The following CAPN8 variants were observed in gnomAD, a reference collection of about 807,000 sequenced individuals.
CAPN8 encodes the protein calpain-8.
A neutral mutation model predicts 80.9 loss-of-function variants in CAPN8; 87 were observed. The observed-to-expected ratio is 1.07, with a 90% CI of 0.90 to 1.28. The LOEUF (loss-of-function observed/expected upper bound fraction) is 1.28. Among genes scored for constraint, CAPN8 ranks in the 50% most tolerant of loss-of-function variants. The pLI is 0.00. For synonymous variants in CAPN8, 299 were observed against 273.8 expected (o/e 1.09, Z -0.91); for missense variants, 757 against 702.0 (o/e 1.08, Z -0.89).
In CAPN8 at chr1:223,616,158, C is replaced by A; in HGVS notation, c.1136-13G>T. The A allele has an allele frequency of 1.9e-6, 3 of 1,542,026 alleles. No individual in the cohort carries two copies. In the South Asian group the frequency reaches 3.6e-5, roughly 19 times the overall value. Reference sequence around the variant, plus strand: ...GTCCAGTACGTGGCTGGAAGTCACCCAGGTGATGGTGGTTCCCCACGTAGC... The same window carrying A: ...GTCCAGTACGTGGCTGGAAGTCACCAAGGTGATGGTGGTTCCCCACGTAGC... On this transcript the variant is annotated splice_polypyrimidine_tract_variant and intron_variant, in intron 9 of 20. Transcript: ENST00000366872.
intron 16 of CAPN8, among the ~76,000 whole-genome samples, chr1:223,548,984 G>A (rs1008570236): frequency 6.6e-6 from 1 of 152,060 alleles, no homozygotes; most frequent in Admixed American, 6.6e-5. Context: ...GGAGGAAGAT[G>A]AAGAGATGAA....
At position 223,665,292 on chromosome 1, in the gene CAPN8, G is replaced by A. The variant is rs545971621; in HGVS notation, c.237+118C>T. On this transcript the variant is annotated intron_variant, in intron 1 of 20. Coordinates refer to ENST00000366872, the MANE Select transcript of CAPN8 (RefSeq NM_001143962.2). ...AAAAAAGGTGGTGGTGGAGGGATCT[G>A]AAATATGAGATCCAGACACTTAGGG... is the stretch of plus-strand genomic sequence containing the variant. 3.5e-5 allele frequency: 27 copies of A among 774,118 alleles called. No individual in the cohort carries two copies. In the East Asian group the frequency reaches 7.0e-4, roughly 20 times the overall value. The allele number at this position is 774,118 out of a possible 1,614,324, so 48.0% of individuals were successfully genotyped here. A position where few individuals can be genotyped will look rare whatever the true frequency, so the allele number is the denominator to read the frequency against.
chr1:223,642,764 T>C (rs1189889462), intron 2 of CAPN8: 2 of 454,210 alleles, frequency 4.4e-6, no homozygotes, highest in Admixed American at 4.8e-5. Context: ...AAGAAACTTG[T>C]TCAGATTATT....
In CAPN8 at chr1:223,543,149, C is replaced by T. The variant is rs1298586361; in HGVS notation, c.2047G>A (p.Asp683Asn). 1 of 1,551,632 alleles carries T rather than the reference C, an allele frequency of 6.4e-7. No individual in the cohort carries two copies. The highest frequency in any genetic ancestry group is 8.7e-7 in the Non-Finnish European group (1 of 1,146,964). The change falls in exon 20 of 21, where the codon GAC (aspartate) becomes AAC (asparagine). Residue 683 changes from aspartate to asparagine, a missense_variant. By Grantham distance (23) the Asp-to-Asn change is conservative (BLOSUM62 1). Transcript: ENST00000366872. Reference protein sequence around the residue: ...ETLFKLFSLLDEDKDGMVQLS... With the variant: ...ETLFKLFSLLNEDKDGMVQLS... ...TGAACCATGCCATCCTTGTCTTCGT[C>T]CAGAAGGCTGAATAGTTCTAAAACA...
At chr1:223,647,886 C>T (rs1273089417) in intron 2 of CAPN8, among the ~76,000 whole-genome samples, 2 of 152,084 alleles carry the variant, frequency 1.3e-5, no homozygotes, top group African/African-American at 2.4e-5. Flanking sequence ...AGTGAGCAGA[C>T]GTGGGGTTTT....
chr1:223,550,630 G>GA (rs1189450717), intron 15 of CAPN8, among the ~76,000 whole-genome samples: 1 of 152,134 alleles, frequency 6.6e-6, no homozygotes, highest in Admixed American at 6.5e-5. Flanking sequence ...TTAATTTTGT[G>GA]AAAAAAATTC....
chr1:223,664,028 A>G (rs761106659), intron 1 of CAPN8, among the ~76,000 whole-genome samples: 4 of 152,240 alleles, frequency 2.6e-5, no homozygotes, highest in Admixed American at 6.5e-5. Context: ...TCTGTTGAAC[A>G]GAGCACTTTG....
At position 223,620,203 on chromosome 1, in the gene CAPN8, A is replaced by G; in HGVS notation, c.963T>C (p.Asp321=). 1.3e-6 allele frequency: 2 copies of G among 1,551,602 alleles called. No individual in the cohort carries two copies. The highest frequency in any genetic ancestry group is 1.7e-6 in the Non-Finnish European group (2 of 1,146,930). ...RKEELDKKVE[D]GEFWMSLSDF... is the part of the protein sequence containing the mutation. Reference sequence around the variant, plus strand: ...GAAAACTCTCTCACCAGAATTCTCCATCCTCAACTTTCTTGTCCAGTTCTT... The same window carrying G: ...GAAAACTCTCTCACCAGAATTCTCCGTCCTCAACTTTCTTGTCCAGTTCTT... The change falls in exon 8 of 21, where the codon GAT becomes GAC. Residue 321 remains aspartate (D), a synonymous_variant. Coordinates refer to ENST00000366872, the MANE Select transcript of CAPN8 (RefSeq NM_001143962.2).
intron 16 of CAPN8, among the ~76,000 whole-genome samples, chr1:223,545,821 CTTTTT>C (rs141485616): frequency 1.0e-5 from 1 of 98,596 alleles, no homozygotes; most frequent in African/African-American, 4.3e-5. Context: ...CACTCCACAA[CTTTTT>C]TTTTTTTTTT....
intron 2 of CAPN8, among the ~76,000 whole-genome samples, chr1:223,640,883 G>A (rs1160302207): frequency 1.3e-5 from 2 of 152,066 alleles, no homozygotes; most frequent in African/African-American, 4.8e-5. Context: ...ACAATGCAAG[G>A]TGGTTGCAAA....
intron 3 of CAPN8, 22 bp from the exon 4 acceptor site, chr1:223,628,164 G>T: frequency 6.5e-7 from 1 of 1,529,768 alleles, no homozygotes; most frequent in Non-Finnish European, 8.8e-7. Context: ...GGACACAGCG[G>T]CTGCTCACAT....
In CAPN8 at chr1:223,627,091, A is replaced by G; in HGVS notation, c.627T>C (p.Gly209=). The change falls in exon 5 of 21, where the codon GGT becomes GGC. Residue 209 remains glycine (G), a synonymous_variant. Coordinates refer to ENST00000366872, the MANE Select transcript of CAPN8 (RefSeq NM_001143962.2). ...STVEGFEDFT[G]GISEFYDLKK... ...TCAGGTCATAAAACTCAGAGATGCC[A>G]CCTGTGAAATCCTCAAACCCCTCCA... 3 of 1,552,314 alleles carry G rather than the reference A, an allele frequency of 1.9e-6. No individual in the cohort carries two copies. Among genetic ancestry groups the G allele is most frequent in the Non-Finnish European group, 2.6e-6 (3 of 1,147,130 alleles).
intron 1 of CAPN8, among the ~76,000 whole-genome samples, chr1:223,660,817 T>A (rs188437152): frequency 1.3e-5 from 2 of 152,064 alleles, no homozygotes; most frequent in African/African-American, 4.8e-5. Context: ...ACTGAAGAAG[T>A]ACAAAATCAC....
At chr1:223,618,957 A>G (rs1657290227) in intron 9 of CAPN8, among the ~76,000 whole-genome samples, 1 of 152,230 alleles carries the variant, frequency 6.6e-6, no homozygotes. Context: ...TGGGAGGCCA[A>G]GGTGGGTGGA....
intron 2 of CAPN8, among the ~76,000 whole-genome samples, chr1:223,639,591 A>C (rs926994207): frequency 3.3e-5 from 5 of 152,202 alleles, no homozygotes; most frequent in African/African-American, 4.8e-5. Flanking sequence ...AATCAATCAA[A>C]TGTGTTGTAT....
chr1:223,616,090 G>T lies in CAPN8; in HGVS notation c.1191C>A (p.Asp397Glu). 1 of 1,552,028 alleles carries T rather than the reference G, an allele frequency of 6.4e-7. No individual in the cohort carries two copies. Among genetic ancestry groups the T allele is most frequent in the South Asian group, 1.2e-5 (1 of 84,068 alleles). ...AGGGTTCACCGATGCTCTCCTCCTG[G>T]TCCTCATCCACTTCATCCAAACGGA... is the stretch of plus-strand genomic sequence containing the variant. The part of the protein sequence containing the change: ...FKIRLDEVDE[D>E]QEESIGEPCC... Residue 397 changes from aspartate to glutamate, a missense_variant, in exon 10 of 21, where the codon GAC (aspartate) becomes GAA (glutamate). Coordinates refer to ENST00000366872, the MANE Select transcript of CAPN8 (RefSeq NM_001143962.2).
Position 223,545,308 on chromosome 1 carries a change from A to G in CAPN8, c.1765-9T>C, listed in dbSNP as rs61823554. 739,079 of 1,551,226 alleles carry G rather than the reference A, an allele frequency of 0.48. 178,237 individuals are homozygous for G. The highest frequency in any genetic ancestry group is 0.69 in the African/African-American group (50,390 of 73,050). The stretch of plus-strand genomic sequence containing the variant: ...GTGCCCGTTCCATTGCTCTAGGCAC[A>G]TTAAAGACCAACATGATTGAGTCCA... On this transcript the variant is annotated splice_polypyrimidine_tract_variant and intron_variant, in intron 16 of 20. Coordinates refer to ENST00000366872, the MANE Select transcript of CAPN8 (RefSeq NM_001143962.2).
chr1:223,658,590 G>A (rs1409844370), intron 1 of CAPN8, among the ~76,000 whole-genome samples: 2 of 152,096 alleles, frequency 1.3e-5, no homozygotes, highest in African/African-American at 4.8e-5. Context: ...ATCACTTGAG[G>A]TCAGGAGTTT....
intron 16 of CAPN8, among the ~76,000 whole-genome samples, chr1:223,548,289 G>A (rs1656683290): frequency 6.6e-6 from 1 of 152,106 alleles, no homozygotes; most frequent in South Asian, 2.1e-4. Context: ...GACCCACTGT[G>A]GGCAAAGCTC....
Sources: gnomAD v4.1 joint callset for allele counts (sites outside exome capture counted in the v4.1 genomes callset) on GRCh38, gnomAD v4.1.1 for gene constraint, MANE v1.5 for transcripts, NCBI Gene and HGNC (gene_info 2026-07-23, HGNC 2026-07-21) for gene names.